The following CFAP299 variants were observed in gnomAD, a reference collection of about 807,000 sequenced individuals.
CFAP299 encodes the protein cilia- and flagella-associated protein 299.
CFAP299 carries 21 observed loss-of-function variants against 27.0 expected under a neutral mutation model. That is an observed-to-expected ratio of 0.78 (90% CI 0.55 to 1.12). The LOEUF (loss-of-function observed/expected upper bound fraction) is 1.12, where lower values mean the gene tolerates loss of function less well. Among genes scored for constraint, CFAP299 ranks in the 50% most tolerant of loss-of-function variants. CFAP299 has a pLI of 0.00. For synonymous variants in CFAP299, 104 were observed against 98.1 expected (o/e 1.06, Z -0.36); for missense variants, 310 against 276.6 (o/e 1.12, Z -0.86).
intron 2 of CFAP299, among the ~76,000 whole-genome samples, chr4:80,528,776 C>G (rs917605194): frequency 6.6e-6 from 1 of 151,832 alleles, no homozygotes; most frequent in Non-Finnish European, 1.5e-5. Flanking sequence ...CCAGATTTCA[C>G]TCTCCCTCTA....
chr4:80,874,580 C>T (rs1733275986), intron 4 of CFAP299, among the ~76,000 whole-genome samples: 1 of 152,160 alleles, frequency 6.6e-6, no homozygotes, highest in African/African-American at 2.4e-5. Flanking sequence ...TTGGTGAGGC[C>T]TCCTTTCTGC....
intron 3 of CFAP299, among the ~76,000 whole-genome samples, chr4:80,709,806 G>A (rs1310433694): frequency 6.6e-6 from 1 of 152,162 alleles, no homozygotes; most frequent in Admixed American, 6.6e-5. Flanking sequence ...GCATATCTGA[G>A]GAAAGAAGTG....
At chr4:80,551,251 C>T (rs1465070704) in intron 2 of CFAP299, among the ~76,000 whole-genome samples, 1 of 152,106 alleles carries the variant, frequency 6.6e-6, no homozygotes, top group Non-Finnish European at 1.5e-5. Flanking sequence ...AGGGTTCTTA[C>T]AACGGTATTT....
chr4:80,676,244 G>A (rs9985898), intron 3 of CFAP299, among the ~76,000 whole-genome samples: 92,752 of 152,088 alleles, frequency 0.61, 32,213 homozygotes, highest in Non-Finnish European at 0.77. Flanking sequence ...TTCTGTTAGT[G>A]TGATGTATCA....
At chr4:80,498,223 T>A (rs909259628) in intron 2 of CFAP299, among the ~76,000 whole-genome samples, 2 of 151,976 alleles carry the variant, frequency 1.3e-5, no homozygotes, top group African/African-American at 2.4e-5. Flanking sequence ...AAAGCAATGG[T>A]AACAAAAATG....
intron 3 of CFAP299, among the ~76,000 whole-genome samples, chr4:80,693,665 C>T (rs1720899078): frequency 6.7e-6 from 1 of 150,370 alleles, no homozygotes; most frequent in Non-Finnish European, 1.5e-5. Flanking sequence ...ACATTGTGCA[C>T]ATGTACCCTA....
At chr4:80,480,476 A>G (rs1272407443) in intron 2 of CFAP299, among the ~76,000 whole-genome samples, 2 of 152,042 alleles carry the variant, frequency 1.3e-5, no homozygotes, top group African/African-American at 2.4e-5. Context: ...CCCTAGTTAT[A>G]TAACTATGTT....
At chr4:80,800,114 TAA>T (rs1339998442) in intron 3 of CFAP299, among the ~76,000 whole-genome samples, 2 of 67,928 alleles carry the variant, frequency 2.9e-5, no homozygotes, top group African/African-American at 6.5e-5. Context: ...ATATTATATA[TAA>T]GATATTAATA....
intron 1 of CFAP299, among the ~76,000 whole-genome samples, chr4:80,346,489 A>G (rs1272730145): frequency 1.3e-5 from 2 of 152,234 alleles, no homozygotes; most frequent in Admixed American, 6.5e-5. Flanking sequence ...AGCTTTCTAC[A>G]TATGGCCAGA....
At chr4:80,931,362 AAGATGGACC>A (rs1487520899) in intron 4 of CFAP299, among the ~76,000 whole-genome samples, 2 of 152,148 alleles carry the variant, frequency 1.3e-5, no homozygotes, top group African/African-American at 2.4e-5. Context: ...TAGAATTTCT[AAGATGGACC>A]AGTTGAGTGG....
At chr4:80,736,756 G>A (rs1029383055) in intron 3 of CFAP299, among the ~76,000 whole-genome samples, 6 of 152,186 alleles carry the variant, frequency 3.9e-5, no homozygotes, top group Non-Finnish European at 8.8e-5. Flanking sequence ...TCAGTGTGGT[G>A]ATTCCTCAGG....
chr4:80,676,953 T>C (rs766955073), intron 3 of CFAP299, among the ~76,000 whole-genome samples: 4 of 152,094 alleles, frequency 2.6e-5, no homozygotes, highest in Non-Finnish European at 5.9e-5. Flanking sequence ...TTATTTCTGC[T>C]CTGAAGTTTA....
At chr4:80,922,203 A>G (rs1248034002) in intron 4 of CFAP299, among the ~76,000 whole-genome samples, 3 of 152,022 alleles carry the variant, frequency 2.0e-5, no homozygotes, top group African/African-American at 7.2e-5. Context: ...GCCTTAATAT[A>G]TTGTTCTTTT....
chr4:80,420,779 T>G (rs190921571), intron 2 of CFAP299, among the ~76,000 whole-genome samples: 10 of 152,336 alleles, frequency 6.6e-5, no homozygotes, highest in African/African-American at 2.4e-4. Context: ...TCTTGTTCTG[T>G]TCTCAGTAAA....
chr4:80,692,621 A>G (rs1578026851), intron 3 of CFAP299, among the ~76,000 whole-genome samples: 3 of 152,312 alleles, frequency 2.0e-5, no homozygotes, highest in Admixed American at 1.3e-4. Flanking sequence ...ATTACCATTC[A>G]GGACATAGGC....
intron 2 of CFAP299, among the ~76,000 whole-genome samples, chr4:80,392,976 A>G (rs1229210118): frequency 1.3e-5 from 2 of 152,162 alleles, no homozygotes; most frequent in Non-Finnish European, 2.9e-5. Flanking sequence ...TTGTTATCAT[A>G]GGAGATGACA....
At chr4:80,796,092 G>GAAAA (rs1338783627) in intron 3 of CFAP299, among the ~76,000 whole-genome samples, 3 of 152,152 alleles carry the variant, frequency 2.0e-5, no homozygotes, top group Admixed American at 1.3e-4. Context: ...CAGGTCACTT[G>GAAAA]ATAAATGAGC....
At chr4:80,445,702 A>C (rs1728585431) in intron 2 of CFAP299, among the ~76,000 whole-genome samples, 1 of 152,184 alleles carries the variant, frequency 6.6e-6, no homozygotes, top group Non-Finnish European at 1.5e-5. Flanking sequence ...TATCATCATT[A>C]AGCATAGTTT....
chr4:80,444,934 A>G (rs1169145178), intron 2 of CFAP299, among the ~76,000 whole-genome samples: 3 of 152,246 alleles, frequency 2.0e-5, no homozygotes, highest in Admixed American at 1.3e-4. Context: ...GCTCATCATC[A>G]TTGGTCATTA....
Sources: gnomAD v4.1 joint callset for allele counts (sites outside exome capture counted in the v4.1 genomes callset) on GRCh38, gnomAD v4.1.1 for gene constraint, MANE v1.5 for transcripts, NCBI Gene and HGNC (gene_info 2026-07-23, HGNC 2026-07-21) for gene names.